NOMO2: variants seen among roughly 807,000 people sequenced by gnomAD.
The protein encoded by NOMO2 is BOS complex subunit NOMO2.
In NOMO2, 14 loss-of-function variants were observed where a neutral mutation model predicts 67.1. The observed-to-expected ratio is 0.21, with a 90% CI of 0.14 to 0.33. NOMO2 has a LOEUF of 0.33. NOMO2 is among the 10% of genes least tolerant of loss of function. The probability of loss-of-function intolerance (pLI) is 1.00; values close to 1 mark genes in which losing one functional copy is unlikely to be tolerated. For missense variants in NOMO2, 178 were observed against 761.0 expected (o/e 0.23, Z 9.01); for synonymous variants, 80 against 305.9 (o/e 0.26, Z 7.71).
chr16:18,556,707 T>C (rs1415841770), intron 2 of NOMO2, among the ~76,000 whole-genome samples: 1 of 152,118 alleles, frequency 6.6e-6, no homozygotes, highest in Non-Finnish European at 1.5e-5. Context: ...TGTATAGAGG[T>C]GTTTGTGGAT....
At position 18,529,327 on chromosome 16, in the gene NOMO2, C is replaced by T. The variant is rs918460268; in HGVS notation, c.1806+174G>A. ...CCTCCTAAATACAGGGGTCCTTCCA[C>T]TGAGAGAGTATAAATGCTTCCTGAT... is the stretch of plus-strand genomic sequence containing the variant. On this transcript the variant is annotated intron_variant, in intron 15 of 30. Coordinates refer to ENST00000622306, the MANE Select transcript of NOMO2 (RefSeq NM_173614.4). The T allele has an allele frequency of 3.1e-6, 3 of 962,472 alleles. No individual in the cohort carries two copies. In the South Asian group the frequency reaches 4.6e-5, roughly 15 times the overall value. 59.6% of individuals were successfully genotyped at this position (962,472 alleles called of 1,614,324 possible). A position where few individuals can be genotyped will look rare whatever the true frequency, so the allele number is the denominator to read the frequency against.
chr16:18,554,198 C>T (rs1277996196), intron 3 of NOMO2, among the ~76,000 whole-genome samples: 3 of 152,132 alleles, frequency 2.0e-5, no homozygotes, highest in African/African-American at 4.8e-5. Context: ...TGAGTACTTG[C>T]TAATTACGTG....
chr16:18,536,497 C>A (rs1055889484), intron 11 of NOMO2, among the ~76,000 whole-genome samples: 6 of 151,732 alleles, frequency 4.0e-5, no homozygotes, highest in African/African-American at 1.5e-4. Context: ...TATTTTTAGA[C>A]CAGGTTATGA....
At chr16:18,540,054 G>A (rs536805518) in intron 9 of NOMO2, among the ~76,000 whole-genome samples, 52 of 151,662 alleles carry the variant, frequency 3.4e-4, no homozygotes, top group Middle Eastern at 3.4e-3. Flanking sequence ...GACTTTTTCT[G>A]TCTTAGTCAC....
At chr16:18,557,182 C>T (rs1465041526) in intron 2 of NOMO2, among the ~76,000 whole-genome samples, 4 of 151,952 alleles carry the variant, frequency 2.6e-5, no homozygotes, top group African/African-American at 9.7e-5. Flanking sequence ...CAGAGGTTAT[C>T]ACTACAGAGG....
intron 1 of NOMO2, among the ~76,000 whole-genome samples, chr16:18,561,173 T>TAAAAAAAAAAAAAAAAAAAA (rs756246897): frequency 3.1e-5 from 1 of 32,452 alleles, no homozygotes; most frequent in African/African-American, 1.2e-4. Context: ...ACAACTTAAT[T>TAAAAAAAAAAAAAAAAAAAA]AAAAAAAAAA....
At chr16:18,561,173 T>TAAAAAAAAAA (rs756246897) in intron 1 of NOMO2, among the ~76,000 whole-genome samples, 19 of 32,456 alleles carry the variant, frequency 5.9e-4, no homozygotes, top group African/African-American at 1.6e-3. Context: ...ACAACTTAAT[T>TAAAAAAAAAA]AAAAAAAAAA....
intron 4 of NOMO2, among the ~76,000 whole-genome samples, chr16:18,550,592 C>T (rs1315958831): frequency 6.6e-6 from 1 of 151,930 alleles, no homozygotes; most frequent in Non-Finnish European, 1.5e-5. Flanking sequence ...AGGCACAGGG[C>T]GGGTGGAAGA....
intron 2 of NOMO2, among the ~76,000 whole-genome samples, chr16:18,557,181 T>G (rs1901927031): frequency 6.6e-6 from 1 of 152,010 alleles, no homozygotes. Flanking sequence ...TCAGAGGTTA[T>G]CACTACAGAG....
chr16:18,555,492 GC>G (rs1258461298), intron 2 of NOMO2, among the ~76,000 whole-genome samples: 15 of 149,646 alleles, frequency 1.0e-4, no homozygotes, highest in Non-Finnish European at 1.9e-4. Flanking sequence ...CCATAATTGT[GC>G]CCCTGCACTC....
At chr16:18,539,508 G>C (rs1901500617) in intron 9 of NOMO2, among the ~76,000 whole-genome samples, 1 of 151,762 alleles carries the variant, frequency 6.6e-6, no homozygotes, top group African/African-American at 2.4e-5. Context: ...TGTAATCCCA[G>C]CACTTTGGGA....
At chr16:18,551,065 G>C (rs1901774953) in intron 4 of NOMO2, among the ~76,000 whole-genome samples, 1 of 151,268 alleles carries the variant, frequency 6.6e-6, no homozygotes, top group East Asian at 1.9e-4. Flanking sequence ...GGGTGAAGGA[G>C]CGGGAGGGTG....
chr16:18,537,166 G>A (rs1901443922), intron 11 of NOMO2, among the ~76,000 whole-genome samples: 1 of 152,060 alleles, frequency 6.6e-6, no homozygotes, highest in African/African-American at 2.4e-5. Context: ...AGTACCTATT[G>A]AAGAGCTCCA....
rs1902061117 is a variant in NOMO2, at chr16:18,561,907, G to C, written c.134C>G (p.Ser45Trp). 6.4e-7 allele frequency: 1 copy of C among 1,573,630 alleles called. No homozygotes were observed. The highest frequency in any genetic ancestry group is 2.4e-5 in the East Asian group (1 of 42,146). ...IVVGCGGFVK[S>W]DVEINYSLIE... is the part of the protein sequence containing the mutation. ...GAGCGAGTAGTTGATCTCCACGTCC[G>C]ACTTGACGAAGCCACCGCAGCCCAC... is the stretch of plus-strand genomic sequence containing the variant. Residue 45 changes from serine to tryptophan, a missense_variant, in exon 1 of 31, where the codon TCG (serine) becomes TGG (tryptophan). Transcript: ENST00000622306.
At chr16:18,555,712 G>A (rs1336947330) in intron 2 of NOMO2, among the ~76,000 whole-genome samples, 3 of 128,688 alleles carry the variant, frequency 2.3e-5, no homozygotes, top group African/African-American at 5.7e-5. Context: ...GGGTTCAAGC[G>A]ATTCTCCTGC....
chr16:18,559,367 A>G (rs570142972), intron 1 of NOMO2, among the ~76,000 whole-genome samples: 2 of 151,830 alleles, frequency 1.3e-5, no homozygotes, highest in African/African-American at 4.8e-5. Context: ...GGTCTGATGC[A>G]CCTAAAAGCC....
intron 12 of NOMO2, 78 bp downstream of exon 12, chr16:18,532,927 C>T: frequency 6.8e-7 from 1 of 1,465,866 alleles, no homozygotes; most frequent in African/African-American, 1.4e-5. Flanking sequence ...CCTTCTCTAA[C>T]CCCATTCGAC....
At chr16:18,525,443 GATA>G (rs1901123891) in intron 16 of NOMO2, among the ~76,000 whole-genome samples, 2 of 151,428 alleles carry the variant, frequency 1.3e-5, no homozygotes, top group African/African-American at 4.9e-5. Context: ...GCAAGAAGGG[GATA>G]GAAGTGAGTG....
At chr16:18,533,653 T>C (rs1242319079) in intron 11 of NOMO2, 3 of 163,534 alleles carry the variant, frequency 1.8e-5, no homozygotes, top group Admixed American at 5.7e-5. Context: ...TCTTCCTTGC[T>C]TGTGATTATA....
Sources: gnomAD v4.1 joint callset for allele counts (sites outside exome capture counted in the v4.1 genomes callset) on GRCh38, gnomAD v4.1.1 for gene constraint, MANE v1.5 for transcripts, NCBI Gene and HGNC (gene_info 2026-07-23, HGNC 2026-07-21) for gene names.